Variants in TMPRSS15 observed in about 807,000 individuals in gnomAD.
The protein encoded by TMPRSS15 is transmembrane serine protease 15, also known as enteropeptidase.
TMPRSS15 carries 128 observed loss-of-function variants against 125.3 expected under a neutral mutation model. The observed-to-expected ratio is 1.02, with a 90% CI of 0.89 to 1.18. The LOEUF is 1.18. Ranked by LOEUF, TMPRSS15 falls within the 50% of genes most tolerant of loss-of-function variation. The pLI is 0.00. For synonymous variants in TMPRSS15, 446 were observed against 423.2 expected, an observed-to-expected ratio of 1.05 and a Z score of -0.66; for missense variants, 1,283 against 1,212.7, an observed-to-expected ratio of 1.06 and a Z score of -0.86.
chr21:18,365,640 C>T (rs1173402401), intron 6 of TMPRSS15, among the ~76,000 whole-genome samples: 8 of 45,722 alleles, frequency 1.7e-4, no homozygotes, highest in Non-Finnish European at 3.1e-4. Flanking sequence ...CTTTCTCTCT[C>T]TTTTTCCTCC....
At chr21:18,475,920 T>C (rs1247874577) in intron 1 of TMPRSS15, among the ~76,000 whole-genome samples, 1 of 152,192 alleles carries the variant, frequency 6.6e-6, no homozygotes, top group Non-Finnish European at 1.5e-5. Flanking sequence ...ATTATGTCCT[T>C]ATCTACATTT....
At chr21:18,358,099 A>G (rs1457299208) in intron 8 of TMPRSS15, among the ~76,000 whole-genome samples, 1 of 151,754 alleles carries the variant, frequency 6.6e-6, no homozygotes, top group Non-Finnish European at 1.5e-5. Context: ...CATATTAGTC[A>G]CATCTCTATG....
At chr21:18,311,023 T>C (rs1488797931) in intron 18 of TMPRSS15, among the ~76,000 whole-genome samples, 2 of 150,434 alleles carry the variant, frequency 1.3e-5, no homozygotes, top group East Asian at 2.0e-4. Context: ...CTGGGAAAAC[T>C]GGATAACTAT....
intron 17 of TMPRSS15, among the ~76,000 whole-genome samples, chr21:18,314,584 A>T (rs1021982609): frequency 6.6e-6 from 1 of 151,914 alleles, no homozygotes; most frequent in Non-Finnish European, 1.5e-5. Context: ...GACCAGCTAT[A>T]CCTAATTCTT....
chr21:18,396,838 CTATCTATCT>C (rs1479737401), intron 3 of TMPRSS15, among the ~76,000 whole-genome samples: 1 of 146,198 alleles, frequency 6.8e-6, no homozygotes, highest in South Asian at 2.2e-4. Context: ...ATCTATCTAT[CTATCTATCT>C]ATCTTAAGTC....
At chr21:18,413,427 A>AT (rs2076172533) in intron 1 of TMPRSS15, among the ~76,000 whole-genome samples, 1 of 107,670 alleles carries the variant, frequency 9.3e-6, no homozygotes, top group South Asian at 2.8e-4. Flanking sequence ...TATGTGTCTA[A>AT]TTTTTTTTGA....
chr21:18,313,036 G>A lies in TMPRSS15; in HGVS notation c.2074C>T (p.Arg692Trp), dbSNP rs369769966. The A allele has an allele frequency of 5.9e-5, 95 of 1,613,798 alleles. No homozygotes were observed. The highest frequency in any genetic ancestry group is 3.6e-4 in the South Asian group (33 of 91,068). ...NGTTNNNGLVRFRIQSIWHTA... is the reference protein window; with the variant it reads ...NGTTNNNGLVWFRIQSIWHTA... The stretch of plus-strand genomic sequence containing the variant: ...TGCCATATGCTCTGGATTCTGAACC[G>A]CACTAAACCATTGTTGTTCGTTGTG... Residue 692 changes from arginine to tryptophan, a missense_variant, in exon 18 of 25, where the codon CGG (arginine) becomes TGG (tryptophan). Transcript: ENST00000284885.
At chr21:18,333,603 A>G (rs1328644786) in intron 13 of TMPRSS15, among the ~76,000 whole-genome samples, 1 of 151,874 alleles carries the variant, frequency 6.6e-6, no homozygotes, top group Non-Finnish European at 1.5e-5. Flanking sequence ...TATTCTGCAC[A>G]TGGATAGTAA....
intron 13 of TMPRSS15, among the ~76,000 whole-genome samples, chr21:18,332,809 C>T (rs899715424): frequency 2.0e-5 from 3 of 152,080 alleles, no homozygotes; most frequent in South Asian, 4.1e-4. Context: ...TTCATTGCAG[C>T]GCTATTCAAA....
intron 1 of TMPRSS15, among the ~76,000 whole-genome samples, chr21:18,453,390 G>T (rs764735591): frequency 1.3e-5 from 2 of 152,194 alleles, no homozygotes; most frequent in Non-Finnish European, 2.9e-5. Context: ...TAGAATGTGT[G>T]TATGTGTGCA....
rs796451637 is a variant in TMPRSS15 at position 18,446,476 on chromosome 21, G to T, written c.10+39323C>A. On this transcript the variant is annotated intron_variant, in intron 1 of 7. Coordinates refer to the TMPRSS15 transcript ENST00000422787. ...GCTAAATTTATACGGAACCACAAAA[G>T]ACCTCAAATAGCCAAAGCAATTCCA... is the stretch of plus-strand genomic sequence containing the variant. 1.1e-4 allele frequency among the ~76,000 whole-genome samples: 16 copies of T among 152,176 alleles called. 1 individual carries two copies. The highest frequency in any genetic ancestry group is 3.9e-4 in the African/African-American group (16 of 41,526).
chr21:18,353,136 ACCT>A, intron 9 of TMPRSS15, 84 bp from the exon 10 acceptor site: 2 of 1,216,280 alleles, frequency 1.6e-6, no homozygotes, highest in Non-Finnish European at 2.4e-6. Flanking sequence ...AAATAATCTA[ACCT>A]TATACAGCTT....
At chr21:18,416,084 C>T (rs920834966) in intron 1 of TMPRSS15, among the ~76,000 whole-genome samples, 4 of 151,666 alleles carry the variant, frequency 2.6e-5, no homozygotes, top group African/African-American at 9.7e-5. Context: ...TAGAAATAAG[C>T]GTGGGGGTGA....
intron 1 of TMPRSS15, among the ~76,000 whole-genome samples, chr21:18,471,009 T>A (rs917501694): frequency 2.0e-5 from 3 of 151,914 alleles, no homozygotes; most frequent in African/African-American, 4.8e-5. Flanking sequence ...ACTTCTTACA[T>A]CTCTATTACC....
chr21:18,463,035 AT>A lies in TMPRSS15; in HGVS notation c.10+22763del, dbSNP rs2122953589. 1.8e-4 allele frequency among the ~76,000 whole-genome samples: 28 copies of A among 151,928 alleles called. No homozygotes were observed. In the South Asian group the frequency reaches 2.3e-3, roughly 12 times the overall value. On this transcript the variant is annotated intron_variant, in intron 1 of 7. Coordinates refer to the TMPRSS15 transcript ENST00000422787. ...GAGACTTTGTCAAATCTCTCACATAATTTTTTAACATATTTAGCATAATTAA... is the reference window on the plus strand; with the variant it reads ...GAGACTTTGTCAAATCTCTCACATAATTTTTAACATATTTAGCATAATTAA...
At chr21:18,468,539 A>C (rs1478896183) in intron 1 of TMPRSS15, among the ~76,000 whole-genome samples, 1 of 152,144 alleles carries the variant, frequency 6.6e-6, no homozygotes, top group Non-Finnish European at 1.5e-5. Context: ...CAAACAAAAA[A>C]AAAATCAACA....
Position 18,294,322 on chromosome 21 carries a change from C to A in TMPRSS15, c.2434G>T (p.Ala812Ser), listed in dbSNP as rs372571410. The A allele has an allele frequency of 4.3e-6, 7 of 1,614,084 alleles. No individual in the cohort carries two copies. The Admixed American group carries it at 5.0e-5, about 12-fold the overall frequency. The change falls in exon 21 of 25, where the codon GCA (alanine) becomes TCA (serine). Residue 812 changes from alanine (A) to serine (S), a missense_variant. Transcript: ENST00000284885. ...LYYGGRLLCG[A>S]SLVSSDWLVS... ...AGCCAGTCACTGCTGACGAGAGATG[C>A]GCCGCAGAGCAGTCGGCCGCCATAA... is the stretch of plus-strand genomic sequence containing the variant.
chr21:18,299,513 G>C (rs955951782), intron 18 of TMPRSS15, among the ~76,000 whole-genome samples: 1 of 152,172 alleles, frequency 6.6e-6, no homozygotes, highest in Non-Finnish European at 1.5e-5. Flanking sequence ...CTGTCTGCAG[G>C]CTCCAGAAAC....
chr21:18,377,317 T>C (rs963099043), intron 5 of TMPRSS15, among the ~76,000 whole-genome samples: 49 of 152,080 alleles, frequency 3.2e-4, no homozygotes, highest in African/African-American at 1.2e-3. Context: ...AATAATCGTG[T>C]TTTAAATTTA....
Sources: gnomAD v4.1 joint callset for allele counts (sites outside exome capture counted in the v4.1 genomes callset) on GRCh38, gnomAD v4.1.1 for gene constraint, MANE v1.5 for transcripts, NCBI Gene and HGNC (gene_info 2026-07-23, HGNC 2026-07-21) for gene names.